DCLK1: variants seen among roughly 807,000 people sequenced by gnomAD.
The protein encoded by DCLK1 is serine/threonine-protein kinase DCLK1.
Under a neutral mutation model 86.2 loss-of-function variants are expected in DCLK1, and 16 were observed. The ratio of observed to expected loss-of-function variants is 0.19; its 90% CI spans 0.13 to 0.28. The LOEUF (loss-of-function observed/expected upper bound fraction) is 0.28. Ranked by LOEUF, DCLK1 falls within the 10% of genes least tolerant of loss-of-function variation. The probability of loss-of-function intolerance (pLI) is 1.00; values close to 1 mark genes in which losing one functional copy is unlikely to be tolerated. For synonymous variants in DCLK1, 369 were observed against 370.5 expected, an observed-to-expected ratio of 1.00 and a Z score of 0.05; for missense variants, 590 against 940.2, an observed-to-expected ratio of 0.63 and a Z score of 4.87.
chr13:35,793,717 C>T (rs1013583429), intron 15 of DCLK1, among the ~76,000 whole-genome samples: 69 of 149,668 alleles, frequency 4.6e-4, no homozygotes, highest in African/African-American at 1.7e-3. Flanking sequence ...AGAGATTTGT[C>T]TCTAAATTAA....
intron 3 of DCLK1, among the ~76,000 whole-genome samples, chr13:36,080,867 A>G (rs1000476092): frequency 6.6e-6 from 1 of 152,084 alleles, no homozygotes; most frequent in Non-Finnish European, 1.5e-5. Flanking sequence ...CCCAGAGGAC[A>G]TTTGGCAATG....
chr13:36,026,183 T>C (rs1882027054), intron 3 of DCLK1, among the ~76,000 whole-genome samples: 1 of 152,210 alleles, frequency 6.6e-6, no homozygotes, highest in African/African-American at 2.4e-5. Flanking sequence ...GATTTTAACA[T>C]TGGGCAGGAA....
At chr13:36,085,182 C>T (rs1593876115) in intron 3 of DCLK1, among the ~76,000 whole-genome samples, 1 of 152,038 alleles carries the variant, frequency 6.6e-6, no homozygotes, top group Non-Finnish European at 1.5e-5. Flanking sequence ...GAAACAAATG[C>T]CTATATGCTC....
intron 14 of DCLK1, 30 bp from the exon 15 acceptor site, chr13:35,805,809 T>G (rs1198898805): frequency 6.2e-7 from 1 of 1,600,046 alleles, no homozygotes; most frequent in Non-Finnish European, 8.5e-7. Flanking sequence ...AGTCCATTTA[T>G]CTGAATTTAA....
intron 16 of DCLK1, among the ~76,000 whole-genome samples, chr13:35,777,958 C>T (rs932370981): frequency 2.6e-5 from 4 of 152,214 alleles, no homozygotes; most frequent in African/African-American, 9.6e-5. Context: ...TTTTCCCTAC[C>T]ACTTTGTAGA....
chr13:36,090,004 C>T (rs1884758438), intron 3 of DCLK1, among the ~76,000 whole-genome samples: 1 of 152,186 alleles, frequency 6.6e-6, no homozygotes, highest in South Asian at 2.1e-4. Context: ...TGGGAATAAG[C>T]ATTAGGTTAA....
intron 4 of DCLK1, among the ~76,000 whole-genome samples, chr13:35,921,734 C>T (rs1231124951): frequency 6.6e-6 from 1 of 152,132 alleles, no homozygotes; most frequent in Non-Finnish European, 1.5e-5. Context: ...GCTAAAGAAT[C>T]TCCCACAGTA....
At chr13:35,857,136 C>T (rs2153111282) in intron 5 of DCLK1, among the ~76,000 whole-genome samples, 1 of 152,218 alleles carries the variant, frequency 6.6e-6, no homozygotes, top group African/African-American at 2.4e-5. Context: ...TGGTGGTGAC[C>T]TCACAGCCAA....
intron 5 of DCLK1, among the ~76,000 whole-genome samples, chr13:35,858,542 C>T (rs1262919246): frequency 6.6e-6 from 1 of 152,106 alleles, no homozygotes; most frequent in Admixed American, 6.5e-5. Flanking sequence ...AGTGGCTGGT[C>T]CTGGCACCTC....
At chr13:35,784,444 C>G (rs1332665655) in intron 16 of DCLK1, among the ~76,000 whole-genome samples, 1 of 152,178 alleles carries the variant, frequency 6.6e-6, no homozygotes, top group Non-Finnish European at 1.5e-5. Context: ...GCAGATGTTT[C>G]ACCATTCCCA....
intron 3 of DCLK1, among the ~76,000 whole-genome samples, chr13:36,089,896 A>T (rs1477580154): frequency 2.0e-5 from 3 of 152,228 alleles, no homozygotes; most frequent in African/African-American, 7.2e-5. Flanking sequence ...CCTGGTGACT[A>T]ATCATTATTT....
chr13:35,874,455 C>G (rs987683554), intron 4 of DCLK1, among the ~76,000 whole-genome samples: 1 of 152,014 alleles, frequency 6.6e-6, no homozygotes, highest in Non-Finnish European at 1.5e-5. Context: ...GCAAATTCTG[C>G]CTTGTGATAT....
intron 3 of DCLK1, among the ~76,000 whole-genome samples, chr13:35,991,700 C>T (rs987264450): frequency 2.6e-5 from 4 of 152,108 alleles, no homozygotes; most frequent in Non-Finnish European, 4.4e-5. Context: ...AGTAAATTTG[C>T]ATGCTTTTCT....
intron 4 of DCLK1, among the ~76,000 whole-genome samples, chr13:35,938,990 G>A (rs117160964): frequency 0.014 from 2,091 of 152,276 alleles, 40 homozygotes; most frequent in East Asian, 0.055. Context: ...GAACTAGCTG[G>A]AGCTTGAGTT....
intron 4 of DCLK1, among the ~76,000 whole-genome samples, chr13:35,887,714 A>G (rs146719084): frequency 6.6e-6 from 1 of 152,206 alleles, no homozygotes; most frequent in Admixed American, 6.5e-5. Flanking sequence ...TATGTCATGT[A>G]GCTAGATTGT....
At chr13:36,070,586 G>GT (rs1245556335) in intron 3 of DCLK1, among the ~76,000 whole-genome samples, 1 of 151,884 alleles carries the variant, frequency 6.6e-6, no homozygotes, top group Non-Finnish European at 1.5e-5. Context: ...CTTCACTTTT[G>GT]GTTTTTACCA....
intron 10 of DCLK1, among the ~76,000 whole-genome samples, chr13:35,825,499 A>C (rs911818681): frequency 3.3e-5 from 5 of 152,158 alleles, no homozygotes; most frequent in African/African-American, 9.7e-5. Flanking sequence ...TTGACAGACT[A>C]AGATTTCTCA....
chr13:35,981,358 G>A (rs61498979), intron 3 of DCLK1, among the ~76,000 whole-genome samples: 7,222 of 151,702 alleles, frequency 0.048, 236 homozygotes, highest in African/African-American at 0.087. Context: ...TAGTATCATA[G>A]CAAAACTGAG....
intron 2 of DCLK1, among the ~76,000 whole-genome samples, chr13:36,118,250 C>T (rs765603257): frequency 7.1e-4 from 108 of 152,150 alleles, no homozygotes; most frequent in Middle Eastern, 6.8e-3. Context: ...GAGAGAAGTC[C>T]AGATATCACC....
Sources: allele counts gnomAD v4.1 joint callset (sites outside exome capture counted in the v4.1 genomes callset), GRCh38; gene constraint gnomAD v4.1.1; transcripts MANE v1.5; gene names NCBI Gene and HGNC (gene_info 2026-07-23, HGNC 2026-07-21).